Variants in CSMD1 observed in about 807,000 individuals in gnomAD.
CSMD1 encodes CUB and Sushi multiple domains 1, also known as CUB and sushi domain-containing protein 1.
A neutral mutation model predicts 417.5 loss-of-function variants in CSMD1; 213 were observed. The observed-to-expected ratio is 0.51, with a 90% confidence interval of 0.46 to 0.57. The LOEUF is 0.57. Among genes scored for constraint, CSMD1 ranks in the 20% least tolerant of loss-of-function variants. The pLI is 0.00. For synonymous variants in CSMD1, 2,862 were observed against 1,736.8 expected, an observed-to-expected ratio of 1.65 and a Z score of -16.11; for missense variants, 6,923 against 4,529.7, an observed-to-expected ratio of 1.53 and a Z score of -15.17.
chr8:3,118,674 G>C (rs1025053587), intron 41 of CSMD1, 87 bp from the exon 42 acceptor site: 1 of 1,174,288 alleles, frequency 8.5e-7, no homozygotes, highest in African/African-American at 1.5e-5. Flanking sequence ...ACATGTGACT[G>C]CTTGAGATGA....
At chr8:2,982,365 A>G (rs1228543678) in intron 54 of CSMD1, among the ~76,000 whole-genome samples, 2 of 152,056 alleles carry the variant, frequency 1.3e-5, no homozygotes, top group African/African-American at 2.4e-5. Context: ...CAAAAAACAA[A>G]CAAACAAACG....
At chr8:3,329,515 T>G (rs1221808480) in intron 23 of CSMD1, among the ~76,000 whole-genome samples, 1 of 152,176 alleles carries the variant, frequency 6.6e-6, no homozygotes, top group African/African-American at 2.4e-5. Context: ...GTTAACATCT[T>G]TTCCCCATGA....
At chr8:3,694,322 A>G (rs938665391) in intron 7 of CSMD1, among the ~76,000 whole-genome samples, 1 of 152,084 alleles carries the variant, frequency 6.6e-6, no homozygotes, top group Non-Finnish European at 1.5e-5. Flanking sequence ...GCACAGCAGC[A>G]TGACTGAGCA....
chr8:4,231,102 C>G (rs1477689296), intron 3 of CSMD1, among the ~76,000 whole-genome samples: 1 of 152,092 alleles, frequency 6.6e-6, no homozygotes, highest in South Asian at 2.1e-4. Flanking sequence ...CATTTCTCCA[C>G]CAAGGATATA....
intron 11 of CSMD1, among the ~76,000 whole-genome samples, chr8:3,489,338 T>C (rs6999448): frequency 0.043 from 6,553 of 152,252 alleles, 361 homozygotes; most frequent in East Asian, 0.13. Flanking sequence ...CCTAATAATA[T>C]TGACTATTCA....
At chr8:4,172,346 A>T (rs916812848) in intron 3 of CSMD1, among the ~76,000 whole-genome samples, 1 of 152,138 alleles carries the variant, frequency 6.6e-6, no homozygotes, top group African/African-American at 2.4e-5. Context: ...TTGAGAAAAT[A>T]AAGTTTAAAT....
intron 3 of CSMD1, among the ~76,000 whole-genome samples, chr8:4,077,332 A>G (rs1263223298): frequency 7.1e-5 from 8 of 113,316 alleles, no homozygotes; most frequent in African/African-American, 3.0e-4. Flanking sequence ...TGGTAGACAT[A>G]TAGATTATAT....
At chr8:4,148,538 G>C (rs9650480) in intron 3 of CSMD1, among the ~76,000 whole-genome samples, 95,486 of 151,686 alleles carry the variant, frequency 0.63, 30,604 homozygotes, top group East Asian at 0.72. Context: ...AAACGCATTG[G>C]CTACTTGGAG....
intron 3 of CSMD1, among the ~76,000 whole-genome samples, chr8:4,185,919 G>T (rs1798648913): frequency 6.6e-6 from 1 of 152,038 alleles, no homozygotes; most frequent in Admixed American, 6.6e-5. Context: ...ATTACGTTGA[G>T]TTCATTTCCC....
intron 2 of CSMD1, among the ~76,000 whole-genome samples, chr8:4,574,553 G>A (rs1563300245): frequency 6.6e-6 from 1 of 152,124 alleles, no homozygotes; most frequent in Non-Finnish European, 1.5e-5. Context: ...GCTGCAGACG[G>A]GAGCTGTTCC....
chr8:3,289,134 T>C (rs1452034755), intron 25 of CSMD1, among the ~76,000 whole-genome samples: 1 of 147,582 alleles, frequency 6.8e-6, no homozygotes, highest in Non-Finnish European at 1.5e-5. Context: ...GCTTCATCCA[T>C]GTCCCTACAA....
intron 3 of CSMD1, among the ~76,000 whole-genome samples, chr8:4,204,290 G>A (rs1276775762): frequency 6.6e-6 from 1 of 151,442 alleles, no homozygotes; most frequent in East Asian, 1.9e-4. Flanking sequence ...CAATTTGGAA[G>A]TTTTTGGTTT....
intron 1 of CSMD1, among the ~76,000 whole-genome samples, chr8:4,937,363 G>T (rs560183959): frequency 1.3e-5 from 2 of 152,158 alleles, no homozygotes; most frequent in Non-Finnish European, 2.9e-5. Flanking sequence ...CACACCTGCT[G>T]GGACTTGATG....
intron 26 of CSMD1, among the ~76,000 whole-genome samples, chr8:3,241,766 C>G (rs565315335): frequency 4.4e-4 from 67 of 152,170 alleles, no homozygotes; most frequent in African/African-American, 1.6e-3. Flanking sequence ...GGAGATGTGG[C>G]TGGGGTTTGT....
rs557169091 is a variant in CSMD1, at chr8:3,831,115, T to C, written c.819-77073A>G. 3.3e-5 allele frequency among the ~76,000 whole-genome samples: 5 copies of C among 152,288 alleles called. No homozygotes were observed. In the South Asian group the frequency reaches 8.3e-4, roughly 25 times the overall value. The stretch of plus-strand genomic sequence containing the variant: ...GTGTCCAATACCATTCAGAATTAAA[T>C]GTTAACAATATTTCACAAATGCTTT... On this transcript the variant is annotated intron_variant, in intron 5 of 69. Transcript: ENST00000635120.
At chr8:4,022,564 G>A (rs887326260) in intron 4 of CSMD1, among the ~76,000 whole-genome samples, 5 of 152,176 alleles carry the variant, frequency 3.3e-5, no homozygotes, top group African/African-American at 9.7e-5. Context: ...AACAGGGTGT[G>A]CATTGAGGGC....
At chr8:4,725,955 G>C (rs1809408595) in intron 1 of CSMD1, among the ~76,000 whole-genome samples, 1 of 152,100 alleles carries the variant, frequency 6.6e-6, no homozygotes, top group Non-Finnish European at 1.5e-5. Flanking sequence ...CATTCGTCAA[G>C]AAGTTATTAG....
At chr8:4,765,895 T>A (rs1201437098) in intron 1 of CSMD1, among the ~76,000 whole-genome samples, 1 of 152,204 alleles carries the variant, frequency 6.6e-6, no homozygotes, top group Non-Finnish European at 1.5e-5. Flanking sequence ...TTTACAAACA[T>A]TTATATCATT....
chr8:3,550,435 T>C (rs755809348), intron 10 of CSMD1, among the ~76,000 whole-genome samples: 4 of 152,160 alleles, frequency 2.6e-5, no homozygotes, highest in Non-Finnish European at 5.9e-5. Flanking sequence ...GCCCTCAATA[T>C]AATCTTTTAA....
Sources: allele counts gnomAD v4.1 joint callset (sites outside exome capture counted in the v4.1 genomes callset), GRCh38; gene constraint gnomAD v4.1.1; transcripts MANE v1.5; gene names NCBI Gene and HGNC (gene_info 2026-07-23, HGNC 2026-07-21).